SPOCK3: variants seen among roughly 807,000 people sequenced by gnomAD.
The protein encoded by SPOCK3 is testican-3.
A neutral mutation model predicts 56.6 loss-of-function variants in SPOCK3; 30 were observed. The ratio of observed to expected loss-of-function variants is 0.53; its 90% CI spans 0.40 to 0.72. The LOEUF is 0.72. SPOCK3 is among the 30% of genes least tolerant of loss of function. SPOCK3 has a pLI of 0.00. For synonymous variants in SPOCK3, 196 were observed against 183.3 expected (o/e 1.07, Z -0.56); for missense variants, 527 against 530.0 (o/e 0.99, Z 0.06).
intron 2 of SPOCK3, among the ~76,000 whole-genome samples, chr4:167,190,667 T>C (rs1732399421): frequency 6.9e-6 from 1 of 145,920 alleles, no homozygotes; most frequent in Admixed American, 7.0e-5. Context: ...TTTGGTATCA[T>C]ATCCAAAAGA....
chr4:167,057,640 G>C (rs957053581), intron 3 of SPOCK3, among the ~76,000 whole-genome samples: 2 of 152,080 alleles, frequency 1.3e-5, no homozygotes, highest in Admixed American at 6.6e-5. Flanking sequence ...TGCAATCCTA[G>C]TCTCTGATAA....
At chr4:166,782,628 T>C (rs977960274) in intron 7 of SPOCK3, among the ~76,000 whole-genome samples, 2 of 151,890 alleles carry the variant, frequency 1.3e-5, no homozygotes, top group Non-Finnish European at 2.9e-5. Context: ...AGAATTACAG[T>C]AGAAATCAAT....
intron 8 of SPOCK3, among the ~76,000 whole-genome samples, chr4:166,747,008 A>C (rs1735709084): frequency 6.6e-6 from 1 of 152,198 alleles, no homozygotes; most frequent in Non-Finnish European, 1.5e-5. Flanking sequence ...TACCAACCAA[A>C]AAAAGTCCAG....
intron 3 of SPOCK3, among the ~76,000 whole-genome samples, chr4:167,025,899 C>T (rs879464098): frequency 6.6e-6 from 1 of 152,062 alleles, no homozygotes; most frequent in Non-Finnish European, 1.5e-5. Flanking sequence ...ACCTAGGCTA[C>T]ATGGTGGAGC....
chr4:166,854,985 G>A (rs949171338), intron 6 of SPOCK3, among the ~76,000 whole-genome samples: 4 of 152,104 alleles, frequency 2.6e-5, no homozygotes, highest in African/African-American at 7.2e-5. Context: ...ACTGTATCCC[G>A]CCCCACTGCC....
chr4:166,974,981 T>C (rs1301346622), intron 4 of SPOCK3, among the ~76,000 whole-genome samples: 3 of 152,138 alleles, frequency 2.0e-5, no homozygotes, highest in African/African-American at 7.2e-5. Flanking sequence ...CAATTAACAA[T>C]TTATCATGGG....
At chr4:167,118,043 G>A (rs1272926097) in intron 2 of SPOCK3, among the ~76,000 whole-genome samples, 1 of 152,096 alleles carries the variant, frequency 6.6e-6, no homozygotes, top group Non-Finnish European at 1.5e-5. Context: ...CCTATAATTA[G>A]AAGCATGAGA....
intron 3 of SPOCK3, among the ~76,000 whole-genome samples, chr4:167,009,833 G>A (rs1189295346): frequency 6.6e-6 from 1 of 151,674 alleles, no homozygotes; most frequent in African/African-American, 2.4e-5. Flanking sequence ...ATTAATTCAT[G>A]TCATAAGAGA....
chr4:167,154,422 C>T (rs141318049), intron 2 of SPOCK3, among the ~76,000 whole-genome samples: 193 of 151,782 alleles, frequency 1.3e-3, no homozygotes, highest in East Asian at 0.012. Context: ...GGTCAGCAAC[C>T]GAGAAAAAAT....
intron 3 of SPOCK3, among the ~76,000 whole-genome samples, chr4:167,027,237 G>C (rs1050552012): frequency 2.6e-5 from 4 of 151,886 alleles, no homozygotes; most frequent in Non-Finnish European, 5.9e-5. Flanking sequence ...ATATCTGCTT[G>C]TTCTAAAATG....
chr4:167,146,159 C>G (rs926042725), intron 2 of SPOCK3, among the ~76,000 whole-genome samples: 1 of 151,788 alleles, frequency 6.6e-6, no homozygotes, highest in Admixed American at 6.6e-5. Flanking sequence ...GGGGTTGCAA[C>G]CCTAGTCTCT....
chr4:166,984,474 G>T (rs1344646689), intron 4 of SPOCK3, among the ~76,000 whole-genome samples: 1 of 151,996 alleles, frequency 6.6e-6, no homozygotes, highest in African/African-American at 2.4e-5. Flanking sequence ...TCTTTTAAGT[G>T]CTTTGTAATA....
chr4:166,793,759 T>C (rs1741598955), intron 6 of SPOCK3, among the ~76,000 whole-genome samples: 1 of 152,140 alleles, frequency 6.6e-6, no homozygotes, highest in Non-Finnish European at 1.5e-5. Flanking sequence ...CCTTCCAATA[T>C]TTAAATAACA....
chr4:167,116,659 T>TATAC lies in SPOCK3; in HGVS notation c.190-54123_190-54122insGTAT, dbSNP rs1473404816. Among the ~76,000 whole-genome samples the TATAC allele has an allele frequency of 1.8e-4, 11 of 60,264 alleles. 1 individual carries two copies. Among genetic ancestry groups the TATAC allele is most frequent in the Middle Eastern group, 0.026 (2 of 78 alleles). 39.5% of individuals were successfully genotyped at this position (60,264 alleles called of 152,430 possible). On this transcript the variant is annotated intron_variant, in intron 2 of 10. Transcript: ENST00000357545. The stretch of plus-strand genomic sequence containing the variant: ...ATATACGTATATATATACACATATA[T>TATAC]ACGTATATAGTATATATGTATATAT...
At position 167,234,148 on chromosome 4, in the gene SPOCK3, C is replaced by T. The variant is rs149099740; in HGVS notation, c.26G>A (p.Cys9Tyr). 7.4e-6 allele frequency: 12 copies of T among 1,613,716 alleles called. No homozygotes were observed. The African/African-American group carries it at 1.5e-4, about 20-fold the overall frequency. ...ACTGCACCAAGCGGCTGCACACACA[C>T]ACAGTACGGCTGACACCTTGAGCAT... is the stretch of plus-strand genomic sequence containing the variant. MLKVSAVL[C>Y]VCAAAWCSQS... The change falls in exon 2 of 11, where the codon TGT (cysteine) becomes TAT (tyrosine). Residue 9 changes from cysteine to tyrosine, a missense_variant. Transcript: ENST00000357545.
chr4:166,899,692 T>C (rs1257192265), intron 5 of SPOCK3, among the ~76,000 whole-genome samples: 2 of 151,932 alleles, frequency 1.3e-5, no homozygotes, highest in African/African-American at 2.4e-5. Flanking sequence ...AATTTTTGTA[T>C]TTTTAGTACA....
chr4:166,893,705 C>T (rs1371180393), intron 5 of SPOCK3, among the ~76,000 whole-genome samples: 1 of 152,110 alleles, frequency 6.6e-6, no homozygotes, highest in Non-Finnish European at 1.5e-5. Flanking sequence ...TACAAATTTT[C>T]ATTCAAGTGA....
intron 2 of SPOCK3, among the ~76,000 whole-genome samples, chr4:167,162,456 G>T (rs545739472): frequency 6.6e-6 from 1 of 152,046 alleles, no homozygotes; most frequent in Non-Finnish European, 1.5e-5. Context: ...CTAGCCCCAT[G>T]TACTTACTTA....
At chr4:167,108,267 A>G (rs534678851) in intron 2 of SPOCK3, among the ~76,000 whole-genome samples, 44 of 152,018 alleles carry the variant, frequency 2.9e-4, no homozygotes, top group Non-Finnish European at 5.3e-4. Context: ...AAAACTAAAA[A>G]TTGAGCTACC....
Sources: allele counts gnomAD v4.1 joint callset (sites outside exome capture counted in the v4.1 genomes callset), GRCh38; gene constraint gnomAD v4.1.1; transcripts MANE v1.5; gene names NCBI Gene and HGNC (gene_info 2026-07-23, HGNC 2026-07-21).